The following ZDHHC11 variants were observed in gnomAD, a reference collection of about 807,000 sequenced individuals.
The protein encoded by ZDHHC11 is zDHHC palmitoyltransferase 11, also known as palmitoyltransferase ZDHHC11.
Under a neutral mutation model 51.3 loss-of-function variants are expected in ZDHHC11, and 44 were observed. That is an observed-to-expected ratio of 0.86 (90% CI 0.67 to 1.10). The LOEUF (loss-of-function observed/expected upper bound fraction) is 1.10. Ranked by LOEUF, ZDHHC11 falls within the 50% of genes least tolerant of loss-of-function variation. ZDHHC11 has a pLI of 0.00. For synonymous variants in ZDHHC11, 163 were observed against 222.0 expected, an observed-to-expected ratio of 0.73 and a Z score of 2.36; for missense variants, 400 against 537.7, an observed-to-expected ratio of 0.74 and a Z score of 2.53.
rs534324900 is a variant in ZDHHC11 at position 835,070 on chromosome 5, GTCAGA to G, written c.901-1268_901-1264del. On this transcript the variant is annotated intron_variant, in intron 6 of 12. Coordinates refer to ENST00000283441, the MANE Select transcript of ZDHHC11 (RefSeq NM_024786.3). The stretch of plus-strand genomic sequence containing the variant: ...TTCTTTAATAGGCAGTGATTTTGGT[GTCAGA>G]TCAAAGACAAGCTTTGTCTCACTAA... Among the ~76,000 whole-genome samples, 1,410 of 151,654 alleles carry G rather than the reference GTCAGA, an allele frequency of 9.3e-3. 3 individuals are homozygous for G. The highest frequency in any genetic ancestry group is 0.016 in the Non-Finnish European group (1,060 of 67,748).
intron 10 of ZDHHC11, among the ~76,000 whole-genome samples, chr5:819,066 G>T (rs1164951182): frequency 6.6e-6 from 1 of 151,394 alleles, no homozygotes; most frequent in Non-Finnish European, 1.5e-5. Context: ...CAACACATAC[G>T]TGCACATGTG....
chr5:851,617 A>G (rs1182826953), upstream of ZDHHC11, among the ~76,000 whole-genome samples: 1 of 152,236 alleles, frequency 6.6e-6, no homozygotes, highest in African/African-American at 2.4e-5. Flanking sequence ...CGTCCATGAT[A>G]CAGTGGCTCT....
rs1438907446 is a variant in ZDHHC11 at position 850,723 on chromosome 5, T to A, written c.-121A>T. The A allele has an allele frequency of 7.9e-7, 1 of 1,262,028 alleles. No homozygotes were observed. Among genetic ancestry groups the A allele is most frequent in the Non-Finnish European group, 1.1e-6 (1 of 907,790 alleles). 78.2% of individuals were successfully genotyped at this position (1,262,028 alleles called of 1,614,324 possible). Reference sequence around the variant, plus strand: ...CGCCAGGACCAGCACTGACAGCCAATGGCCCAGCACTGCCTGGGGCCACGT... The same window carrying A: ...CGCCAGGACCAGCACTGACAGCCAAAGGCCCAGCACTGCCTGGGGCCACGT... On this transcript the variant is annotated 5_prime_UTR_variant, in exon 1 of 13. Transcript: ENST00000283441.
chr5:802,871 A>AAAAAAAAAAAAAC (rs1561228376), intron 11 of ZDHHC11, among the ~76,000 whole-genome samples: 2 of 114,264 alleles, frequency 1.8e-5, no homozygotes, highest in African/African-American at 7.6e-5. Context: ...AAAAAAAAAA[A>AAAAAAAAAAAAAC]AAAGCTAAAT....
chr5:818,108 C>A (rs1160382578), intron 10 of ZDHHC11, among the ~76,000 whole-genome samples: 1 of 151,318 alleles, frequency 6.6e-6, no homozygotes, highest in Non-Finnish European at 1.5e-5. Flanking sequence ...CTGAGCGGAT[C>A]TTCTCTGCTT....
rs1422340547 is a variant in ZDHHC11, at chr5:827,111, T to G, written c.936-1860A>C. 2.0e-5 allele frequency among the ~76,000 whole-genome samples: 3 copies of G among 148,806 alleles called. 1 individual carries two copies. The highest frequency in any genetic ancestry group is 4.5e-5 in the Non-Finnish European group (3 of 66,636). ...GCAAAATAATTAACAGCCAATAATT[T>G]TGTATTCAGCAAAACTATGTTTCCT... On this transcript the variant is annotated intron_variant, in intron 7 of 12. Coordinates refer to ENST00000283441, the MANE Select transcript of ZDHHC11 (RefSeq NM_024786.3).
Position 850,603 on chromosome 5 carries a change from C to T in ZDHHC11, c.-1G>A. ...ACTGGCTCCCGGAGCGGGTGTCCATCTGCAGGACACAGAAGGGGAGGACCT... is the reference window on the plus strand; with the variant it reads ...ACTGGCTCCCGGAGCGGGTGTCCATTTGCAGGACACAGAAGGGGAGGACCT... On this transcript the variant is annotated 5_prime_UTR_variant, in exon 1 of 13. Transcript: ENST00000283441. 1 of 1,613,182 alleles carries T rather than the reference C, an allele frequency of 6.2e-7. No individual in the cohort carries two copies. The highest frequency in any genetic ancestry group is 8.5e-7 in the Non-Finnish European group (1 of 1,179,906).
chr5:827,994 G>A lies in ZDHHC11; in HGVS notation c.936-2743C>T, dbSNP rs865791272. 8.7e-3 allele frequency among the ~76,000 whole-genome samples: 1,316 copies of A among 151,086 alleles called. 18 individuals are homozygous for A. Among genetic ancestry groups the A allele is most frequent in the African/African-American group, 0.03 (1,211 of 40,934 alleles). On this transcript the variant is annotated intron_variant, in intron 7 of 12. Coordinates refer to ENST00000283441, the MANE Select transcript of ZDHHC11 (RefSeq NM_024786.3). ...TGTTTAACAAAGCACATCTTGCACCGCCCTTAATCCATTTAACCCTGAGTG... is the reference window on the plus strand; with the variant it reads ...TGTTTAACAAAGCACATCTTGCACCACCCTTAATCCATTTAACCCTGAGTG...
intron 4 of ZDHHC11, chr5:841,414 G>A (rs1744932109): frequency 1.0e-6 from 1 of 969,676 alleles, no homozygotes; most frequent in Non-Finnish European, 1.2e-6. Context: ...AAGTGCCGGG[G>A]TCACAGTGCC....
intron 7 of ZDHHC11, among the ~76,000 whole-genome samples, chr5:828,765 T>A (rs1264685509): frequency 6.7e-6 from 1 of 148,768 alleles, no homozygotes; most frequent in Non-Finnish European, 1.5e-5. Context: ...AAAACAAGTT[T>A]CAATGAATTT....
At position 796,269 on chromosome 5, in the gene ZDHHC11, G is replaced by C. The variant is rs1737564537; in HGVS notation, c.*319C>G. Reference sequence around the variant, plus strand: ...GGCCCTGCAGCTGGCTGGCTGGCTGGACAGCACAGTTAAGCAGGTGGCTGC... The same window carrying C: ...GGCCCTGCAGCTGGCTGGCTGGCTGCACAGCACAGTTAAGCAGGTGGCTGC... On this transcript the variant is annotated 3_prime_UTR_variant, in exon 13 of 13. Coordinates refer to ENST00000283441, the MANE Select transcript of ZDHHC11 (RefSeq NM_024786.3). 1 of 154,478 alleles carries C rather than the reference G, an allele frequency of 6.5e-6. No individual in the cohort carries two copies. Among genetic ancestry groups the C allele is most frequent in the South Asian group, 2.1e-4 (1 of 4,878 alleles). 9.6% of individuals were successfully genotyped at this position (154,478 alleles called of 1,614,324 possible). A position where few individuals can be genotyped will look rare whatever the true frequency, so the allele number is the denominator to read the frequency against.
chr5:855,752 A>G (rs1224403790), upstream of ZDHHC11, among the ~76,000 whole-genome samples: 2 of 148,822 alleles, frequency 1.3e-5, no homozygotes, highest in African/African-American at 5.0e-5. Flanking sequence ...GACCCCACAG[A>G]GGACAGCGAG....
In ZDHHC11 at chr5:836,837, G is replaced by T. The variant is rs894355991; in HGVS notation, c.900+528C>A. Among the ~76,000 whole-genome samples the T allele has an allele frequency of 1.7e-4, 26 of 149,972 alleles. 3 individuals are homozygous for T. Among genetic ancestry groups the T allele is most frequent in the Admixed American group, 1.3e-4 (2 of 15,118 alleles). ...GCACTTTCGGAGGCCAAGGCGGGCG[G>T]ATCACCTGAGGCCAGAAGTTTGAGA... On this transcript the variant is annotated intron_variant, in intron 6 of 12. Transcript: ENST00000283441.
rs544723229 is a variant in ZDHHC11 at position 824,094 on chromosome 5, C to T, written c.1023+1070G>A. ...CCTGGGGAAGTGTGGTGAGGTGGCC[C>T]TGCCCCCACAGGGAAGGAGAACACA... On this transcript the variant is annotated intron_variant, in intron 8 of 12. Transcript: ENST00000283441. 1.4e-3 allele frequency: 618 copies of T among 454,910 alleles called. 16 individuals carry two copies. Among genetic ancestry groups the T allele is most frequent in the African/African-American group, 0.011 (542 of 49,986 alleles). The allele number at this position is 454,910 out of a possible 1,614,324, so 28.2% of individuals were successfully genotyped here.
At chr5:802,223 G>C (rs1282399677) in intron 11 of ZDHHC11, among the ~76,000 whole-genome samples, 4 of 151,244 alleles carry the variant, frequency 2.6e-5, no homozygotes, top group Admixed American at 6.6e-5. Flanking sequence ...AACAATGGGA[G>C]TGTCTGCCAC....
intron 11 of ZDHHC11, among the ~76,000 whole-genome samples, chr5:806,200 C>T (rs1739233559): frequency 6.6e-6 from 1 of 151,050 alleles, no homozygotes; most frequent in African/African-American, 2.4e-5. Flanking sequence ...CAGGGATAGA[C>T]AAAACTGATG....
intron 10 of ZDHHC11, among the ~76,000 whole-genome samples, chr5:818,039 T>C (rs1321044514): frequency 2.0e-5 from 3 of 151,254 alleles, no homozygotes; most frequent in East Asian, 1.9e-4. Flanking sequence ...CCGACGGTGT[T>C]ATTTTCATAG....
intron 11 of ZDHHC11, among the ~76,000 whole-genome samples, chr5:812,991 C>T (rs58263659): frequency 0.24 from 30,497 of 126,820 alleles, 9,297 homozygotes; most frequent in African/African-American, 0.71. Flanking sequence ...TAGCATGTAA[C>T]AAGGTTATAA....
chr5:850,053 T>C (rs536581143), intron 1 of ZDHHC11, among the ~76,000 whole-genome samples: 14 of 152,356 alleles, frequency 9.2e-5, no homozygotes, highest in Admixed American at 3.3e-4. Context: ...AGAAAGGTGC[T>C]GGCCATGTGC....
Sources: gnomAD v4.1 joint callset for allele counts (sites outside exome capture counted in the v4.1 genomes callset) on GRCh38, gnomAD v4.1.1 for gene constraint, MANE v1.5 for transcripts, NCBI Gene and HGNC (gene_info 2026-07-23, HGNC 2026-07-21) for gene names.